The following ANO4 variants were observed in gnomAD, a reference collection of about 807,000 sequenced individuals.
The protein encoded by ANO4 is anoctamin 4.
In ANO4, 69 loss-of-function variants were observed where a neutral mutation model predicts 141.9. The ratio of observed to expected loss-of-function variants is 0.49; its 90% CI spans 0.40 to 0.59. The LOEUF is 0.59. Among genes scored for constraint, ANO4 ranks in the 20% least tolerant of loss-of-function variants. The probability of loss-of-function intolerance (pLI) is 0.00; values close to 1 mark genes in which losing one functional copy is unlikely to be tolerated. For synonymous variants in ANO4, 350 were observed against 394.3 expected, an observed-to-expected ratio of 0.89 and a Z score of 1.33; for missense variants, 894 against 1,162.2, an observed-to-expected ratio of 0.77 and a Z score of 3.36.
intron 1 of ANO4, among the ~76,000 whole-genome samples, chr12:100,862,260 CTAAAA>C (rs1483871109): frequency 1.3e-5 from 2 of 151,978 alleles, no homozygotes. Context: ...GGAGTATACT[CTAAAA>C]TAACAATAAA....
chr12:100,858,933 T>A (rs2038327738), intron 1 of ANO4: 1 of 152,138 alleles, frequency 6.6e-6, no homozygotes, highest in South Asian at 2.1e-4. Context: ...ACGTACTAGG[T>A]TTTCACAAAA....
At chr12:101,048,514 C>G (rs763207505) in intron 14 of ANO4, 113 bp downstream of exon 14, 3 of 915,008 alleles carry the variant, frequency 3.3e-6, no homozygotes. Context: ...ATGGAATTAG[C>G]TTTCCTATTA....
At chr12:100,736,984 C>T (rs753697175) in intron 2 of ANO4, among the ~76,000 whole-genome samples, 24 of 152,078 alleles carry the variant, frequency 1.6e-4, no homozygotes, top group Non-Finnish European at 3.1e-4. Context: ...TTTTAAGCCA[C>T]CCAGTTTGTG....
intron 3 of ANO4, among the ~76,000 whole-genome samples, chr12:100,924,377 G>A (rs1365563364): frequency 6.6e-6 from 1 of 152,040 alleles, no homozygotes; most frequent in East Asian, 1.9e-4. Context: ...AAATGACAGG[G>A]GAAGATGATA....
At chr12:101,125,449 T>TA (rs2051272312) in intron 26 of ANO4, among the ~76,000 whole-genome samples, 1 of 152,202 alleles carries the variant, frequency 6.6e-6, no homozygotes, top group Admixed American at 6.5e-5. Context: ...CCTATTTGAA[T>TA]ACCCTTTATT....
intron 3 of ANO4, among the ~76,000 whole-genome samples, chr12:100,780,223 G>A (rs1009378390): frequency 6.6e-6 from 1 of 152,014 alleles, no homozygotes; most frequent in Admixed American, 6.6e-5. Flanking sequence ...CACTAATGCA[G>A]GAAAACCCCC....
chr12:100,869,517 C>T lies in ANO4; in HGVS notation c.-140-32129C>T, dbSNP rs142017044. On this transcript the variant is annotated intron_variant, in intron 1 of 27. Coordinates refer to ENST00000392977, the MANE Select transcript of ANO4 (RefSeq NM_001286615.2). The stretch of plus-strand genomic sequence containing the variant: ...ATTTGTCCGTGTCTGCCCAAATGAT[C>T]GCAATCCAGTTATCAGGGTCACATT... Among the ~76,000 whole-genome samples the T allele has an allele frequency of 1.4e-4, 21 of 152,276 alleles. No homozygotes were observed. In the East Asian group the frequency reaches 2.5e-3, roughly 18 times the overall value.
chr12:101,040,083 T>G lies in ANO4; in HGVS notation c.1019+7T>G. 6.3e-7 allele frequency: 1 copy of G among 1,599,698 alleles called. No individual in the cohort carries two copies. Among genetic ancestry groups the G allele is most frequent in the Non-Finnish European group, 8.5e-7 (1 of 1,170,766 alleles). On this transcript the variant is annotated splice_region_variant and intron_variant, in intron 11 of 27. Coordinates refer to ENST00000392977, the MANE Select transcript of ANO4 (RefSeq NM_001286615.2). ...AACCTTTGGATCTTGTAAGGTGAGT[T>G]TTTAATCAGCTGCAAATATAAAGCT...
At chr12:100,983,846 C>T (rs1380797150) in intron 7 of ANO4, among the ~76,000 whole-genome samples, 1 of 152,206 alleles carries the variant, frequency 6.6e-6, no homozygotes, top group African/African-American at 2.4e-5. Context: ...TCCCTTTTGC[C>T]ATGTAACATA....
chr12:100,877,717 A>G (rs1514791), intron 1 of ANO4, among the ~76,000 whole-genome samples: 2,130 of 152,230 alleles, frequency 0.014, 37 homozygotes, highest in African/African-American at 0.039. Flanking sequence ...TTTTTTCTCC[A>G]GCATCTTTCA....
In ANO4 at chr12:101,079,293, CAGA is replaced by C; in HGVS notation, c.1395+20_1395+22del. 5.0e-6 allele frequency: 8 copies of C among 1,600,306 alleles called. No individual in the cohort carries two copies. Among genetic ancestry groups the C allele is most frequent in the Middle Eastern group, 3.3e-4 (2 of 6,034 alleles). On this transcript the variant is annotated intron_variant, in intron 15 of 27. Transcript: ENST00000392977. ...AAGAGGAGGTTTGTATCATTTACCTCAGAATGTTGTAAAAAGCAAATCACCCAG... is the reference window on the plus strand; with the variant it reads ...AAGAGGAGGTTTGTATCATTTACCTCATGTTGTAAAAAGCAAATCACCCAG...
chr12:100,975,011 TG>T, intron 7 of ANO4, 122 bp downstream of exon 7: 2 of 1,141,476 alleles, frequency 1.8e-6, no homozygotes, highest in South Asian at 2.5e-5. Flanking sequence ...TTGGCTGCCA[TG>T]CACATTTTAA....
intron 1 of ANO4, among the ~76,000 whole-genome samples, chr12:100,897,712 G>T (rs2653448): frequency 6.6e-6 from 1 of 152,006 alleles, no homozygotes; most frequent in Non-Finnish European, 1.5e-5. Context: ...GAGTGGGTCA[G>T]AGGAACTGAA....
intron 1 of ANO4, among the ~76,000 whole-genome samples, chr12:100,818,687 T>C (rs2035864219): frequency 6.6e-6 from 1 of 151,948 alleles, no homozygotes; most frequent in Non-Finnish European, 1.5e-5. Context: ...AATAAATTGC[T>C]AAACCTTTCT....
chr12:101,046,751 T>A (rs1046929077), intron 13 of ANO4, among the ~76,000 whole-genome samples: 1 of 151,864 alleles, frequency 6.6e-6, no homozygotes, highest in Non-Finnish European at 1.5e-5. Context: ...AAGCTGTCTG[T>A]CTCCAAATGT....
Position 101,046,975 on chromosome 12 carries a change from C to T in ANO4, c.1252-1366C>T, listed in dbSNP as rs187586883. Among the ~76,000 whole-genome samples the T allele has an allele frequency of 3.5e-4, 53 of 152,308 alleles. 1 individual carries two copies. The highest frequency in any genetic ancestry group is 8.9e-4 in the African/African-American group (37 of 41,568). On this transcript the variant is annotated intron_variant, in intron 13 of 27. Coordinates refer to ENST00000392977, the MANE Select transcript of ANO4 (RefSeq NM_001286615.2). ...AGTAAATACTCTGATAGAGGCTGGG[C>T]GCGGTGGCTCACGCCTGTAATCCCA...
chr12:100,866,374 G>A (rs1323944840), intron 1 of ANO4, among the ~76,000 whole-genome samples: 4 of 152,104 alleles, frequency 2.6e-5, no homozygotes, highest in South Asian at 4.1e-4. Context: ...ATGACTCCAC[G>A]TTCCCCTTAC....
At chr12:100,907,733 T>G (rs1441952859) in intron 2 of ANO4, among the ~76,000 whole-genome samples, 2 of 152,224 alleles carry the variant, frequency 1.3e-5, no homozygotes, top group Non-Finnish European at 2.9e-5. Context: ...CTAGCTATTT[T>G]CCAGGTGAAA....
chr12:100,764,828 T>G (rs2033011621), intron 3 of ANO4, among the ~76,000 whole-genome samples: 2 of 152,196 alleles, frequency 1.3e-5, no homozygotes. Flanking sequence ...TTGATCATGG[T>G]GTATAATCTT....
Sources: gnomAD v4.1 joint callset for allele counts (sites outside exome capture counted in the v4.1 genomes callset) on GRCh38, gnomAD v4.1.1 for gene constraint, MANE v1.5 for transcripts, NCBI Gene and HGNC (gene_info 2026-07-23, HGNC 2026-07-21) for gene names.